Variants in ATP13A4 observed in about 807,000 individuals in gnomAD.
ATP13A4 encodes the protein ATPase 13A4, also known as probable cation-transporting ATPase 13A4.
Under a neutral mutation model 142.5 loss-of-function variants are expected in ATP13A4, and 114 were observed. The ratio of observed to expected loss-of-function variants is 0.80; its 90% confidence interval spans 0.69 to 0.93. The LOEUF is 0.93. Among genes scored for constraint, ATP13A4 ranks in the 40% least tolerant of loss-of-function variants. The pLI, the probability that ATP13A4 is intolerant of heterozygous loss-of-function variation, is 0.00. For synonymous variants in ATP13A4, 488 were observed against 514.8 expected (o/e 0.95, Z 0.70); for missense variants, 1,392 against 1,454.0 (o/e 0.96, Z 0.69).
At chr3:193,436,911 C>T (rs1344753135) in intron 23 of ATP13A4, among the ~76,000 whole-genome samples, 12 of 141,456 alleles carry the variant, frequency 8.5e-5, no homozygotes, top group Non-Finnish European at 5.9e-5. Context: ...GAGACCATCC[C>T]GGCTAAAACG....
Position 193,543,552 on chromosome 3 carries a change from G to A in ATP13A4, c.60+11188C>T, listed in dbSNP as rs184280623. Among the ~76,000 whole-genome samples, 52 of 152,210 alleles carry A rather than the reference G, an allele frequency of 3.4e-4. No homozygotes were observed. The East Asian group carries it at 9.1e-3, about 27-fold the overall frequency. On this transcript the variant is annotated intron_variant, in intron 1 of 29. Transcript: ENST00000342695. ...AACCTCATATAGTCTTTTGATAGCCGATCTTAACCAACTGGTTAGGACAAT... is the reference window on the plus strand; with the variant it reads ...AACCTCATATAGTCTTTTGATAGCCAATCTTAACCAACTGGTTAGGACAAT...
At chr3:193,589,492 A>G (rs1000611067) in intron 1 of ATP13A4, among the ~76,000 whole-genome samples, 2 of 152,202 alleles carry the variant, frequency 1.3e-5, no homozygotes, top group Non-Finnish European at 2.9e-5. Flanking sequence ...TTCCATTTCC[A>G]TTAACATCTC....
chr3:193,477,517 G>T (rs1719036044), intron 8 of ATP13A4, among the ~76,000 whole-genome samples: 1 of 151,962 alleles, frequency 6.6e-6, no homozygotes, highest in South Asian at 2.1e-4. Context: ...AACCAAGAGA[G>T]AATAAAAAGG....
Position 193,412,239 on chromosome 3 carries a change from A to G in ATP13A4, c.3147T>C (p.Cys1049=). 1 of 1,613,504 alleles carries G rather than the reference A, an allele frequency of 6.2e-7. No homozygotes were observed. The highest frequency in any genetic ancestry group is 8.5e-7 in the Non-Finnish European group (1 of 1,179,408). ...TAGAGAACACAAGAGCCACAGTGAT[A>G]CAGTTGATTGTTCCCAAGAACCAGA... ...TTVWFLGTIN[C]ITVALVFSKG... The change falls in exon 27 of 30, where the codon TGT becomes TGC. Residue 1049 remains cysteine (C), a synonymous_variant. Transcript: ENST00000342695.
intron 18 of ATP13A4, among the ~76,000 whole-genome samples, chr3:193,447,761 A>G (rs1717037822): frequency 6.6e-6 from 1 of 152,126 alleles, no homozygotes; most frequent in African/African-American, 2.4e-5. Context: ...AATTTCTAGA[A>G]TCGTGGATTT....
At position 193,399,115 on chromosome 3, in the gene ATP13A4, G is replaced by A. The variant is rs909101604; in HGVS notation, c.*3537C>T. Reference sequence around the variant, plus strand: ...GATACAGATGTCACAGACATATTTAGTGAGGGAAGCCCAGAGTCACGGTTC... The same window carrying A: ...GATACAGATGTCACAGACATATTTAATGAGGGAAGCCCAGAGTCACGGTTC... On this transcript the variant is annotated 3_prime_UTR_variant, in exon 30 of 30. Transcript: ENST00000342695. 1.3e-5 allele frequency among the ~76,000 whole-genome samples: 2 copies of A among 152,136 alleles called. No homozygotes were observed. The highest frequency in any genetic ancestry group is 2.4e-5 in the African/African-American group (1 of 41,430).
chr3:193,444,568 T>C (rs557505411), intron 18 of ATP13A4, among the ~76,000 whole-genome samples: 48 of 152,378 alleles, frequency 3.2e-4, no homozygotes, highest in African/African-American at 1.1e-3. Context: ...TCTTTACTCA[T>C]GTTCTTTAAC....
intron 25 of ATP13A4, chr3:193,419,005 GACTGA>G (rs1371382455): frequency 2.7e-5 from 4 of 150,450 alleles, no homozygotes; most frequent in African/African-American, 4.9e-5. Context: ...GTCCTCTAGG[GACTGA>G]ACTGAAGCTA....
upstream of ATP13A4, among the ~76,000 whole-genome samples, chr3:193,555,592 C>T (rs1373123289): frequency 1.3e-5 from 2 of 152,178 alleles, no homozygotes; most frequent in Non-Finnish European, 2.9e-5. Flanking sequence ...GACTATATGG[C>T]CAGACTCTTT....
At position 193,402,445 on chromosome 3, in the gene ATP13A4, A is replaced by G. The variant is rs775708336; in HGVS notation, c.*207T>C. 49 of 553,710 alleles carry G rather than the reference A, an allele frequency of 8.8e-5. No individual in the cohort carries two copies. Among genetic ancestry groups the G allele is most frequent in the Non-Finnish European group, 1.4e-4 (44 of 309,864 alleles). The allele number at this position is 553,710 out of a possible 1,614,324, so 34.3% of individuals were successfully genotyped here. A position where few individuals can be genotyped will look rare whatever the true frequency, so the allele number is the denominator to read the frequency against. On this transcript the variant is annotated 3_prime_UTR_variant, in exon 30 of 30. Coordinates refer to ENST00000342695, the MANE Select transcript of ATP13A4 (RefSeq NM_032279.4). ...TTCACTGAATGCCTCTAATACCTTC[A>G]GAAGCCAAGAGGAAAGCACTCTTCT...
At chr3:193,424,727 A>G (rs35470048) in intron 25 of ATP13A4, among the ~76,000 whole-genome samples, 24,447 of 149,488 alleles carry the variant, frequency 0.16, 2,901 homozygotes, top group South Asian at 0.25. Flanking sequence ...CTGCTAAACA[A>G]AAACATATGA....
intron 5 of ATP13A4, 112 bp downstream of exon 5, chr3:193,492,805 C>A: frequency 1.2e-6 from 1 of 805,172 alleles, no homozygotes; most frequent in Non-Finnish European, 2.1e-6. Flanking sequence ...CTAAATAGAG[C>A]ATTATAATAT....
At chr3:193,474,701 G>A (rs9823239) in intron 8 of ATP13A4, among the ~76,000 whole-genome samples, 220 of 144,170 alleles carry the variant, frequency 1.5e-3, no homozygotes, top group African/African-American at 2.2e-3. Context: ...AAAGAAAAAA[G>A]GAAGGAAGGA....
At chr3:193,490,143 A>G (rs1719868179) in intron 6 of ATP13A4, among the ~76,000 whole-genome samples, 1 of 152,164 alleles carries the variant, frequency 6.6e-6, no homozygotes, top group African/African-American at 2.4e-5. Context: ...AAATACGTCC[A>G]AAGTCATGCG....
intron 1 of ATP13A4, among the ~76,000 whole-genome samples, chr3:193,528,210 T>C (rs1313261851): frequency 6.6e-6 from 1 of 152,224 alleles, no homozygotes; most frequent in Non-Finnish European, 1.5e-5. Context: ...AGAACCCCCA[T>C]GCTTGGCCCC....
At position 193,508,930 on chromosome 3, in the gene ATP13A4, G is replaced by A. The variant is rs1380586095; in HGVS notation, c.234+5768C>T. On this transcript the variant is annotated intron_variant, in intron 2 of 29. Transcript: ENST00000342695. ...TGTGGCCATGTGCTAGGTGCCAGGG[G>A]GAATGAAATGTATACCACAATCACT... is the stretch of plus-strand genomic sequence containing the variant. Among the ~76,000 whole-genome samples, 3 of 151,814 alleles carry A rather than the reference G, an allele frequency of 2.0e-5. No homozygotes were observed. The East Asian group carries it at 5.8e-4, about 29-fold the overall frequency.
At chr3:193,472,233 T>C (rs921004689) in intron 8 of ATP13A4, among the ~76,000 whole-genome samples, 3 of 152,212 alleles carry the variant, frequency 2.0e-5, no homozygotes, top group African/African-American at 7.2e-5. Context: ...AAACAATGTA[T>C]AAGTTTTCCA....
At chr3:193,466,858 T>C (rs975346538) in intron 10 of ATP13A4, among the ~76,000 whole-genome samples, 17 of 152,200 alleles carry the variant, frequency 1.1e-4, no homozygotes, top group African/African-American at 4.1e-4. Context: ...CATAGTTCAA[T>C]TGGTATTTAA....
rs1576924588 is a variant in ATP13A4, at chr3:193,399,841, AT to A, written c.*2810del. 1.2e-5 allele frequency among the ~76,000 whole-genome samples: 1 copy of A among 85,386 alleles called. No homozygotes were observed. Among genetic ancestry groups the A allele is most frequent in the East Asian group, 3.5e-4 (1 of 2,872 alleles). 56.0% of individuals were successfully genotyped at this position (85,386 alleles called of 152,430 possible). ...AGCCTGGGCAACAGAGTGAGACTCC[AT>A]CTCAAAAAAAAAAAAAAAAAAAAAA... On this transcript the variant is annotated 3_prime_UTR_variant, in exon 30 of 30. Transcript: ENST00000342695.
Sources: allele counts gnomAD v4.1 joint callset (sites outside exome capture counted in the v4.1 genomes callset), GRCh38; gene constraint gnomAD v4.1.1; transcripts MANE v1.5; gene names NCBI Gene and HGNC (gene_info 2026-07-23, HGNC 2026-07-21).